Variants in FSTL5 observed in about 807,000 individuals in gnomAD.
The protein encoded by FSTL5 is follistatin like 5.
A neutral mutation model predicts 89.1 loss-of-function variants in FSTL5; 62 were observed. The observed-to-expected ratio is 0.70, with a 90% confidence interval of 0.57 to 0.86. The LOEUF (loss-of-function observed/expected upper bound fraction) is 0.86. Ranked by LOEUF, FSTL5 falls within the 40% of genes least tolerant of loss-of-function variation. FSTL5 has a pLI of 0.00. For missense variants in FSTL5, 1,057 were observed against 1,001.6 expected (o/e 1.06, Z -0.75); for synonymous variants, 383 against 346.2 (o/e 1.11, Z -1.18).
intron 3 of FSTL5, among the ~76,000 whole-genome samples, chr4:162,017,272 G>A (rs1736941254): frequency 6.6e-6 from 1 of 152,126 alleles, no homozygotes; most frequent in South Asian, 2.1e-4. Context: ...CTCAGAATAA[G>A]CAGAGAAAAG....
chr4:161,431,787 A>G (rs184086107), intron 15 of FSTL5, among the ~76,000 whole-genome samples: 61 of 152,254 alleles, frequency 4.0e-4, no homozygotes, highest in African/African-American at 1.4e-3. Flanking sequence ...TTTTCTGCCA[A>G]TGGAAACCAA....
At chr4:162,037,052 T>C (rs747945845) in intron 2 of FSTL5, among the ~76,000 whole-genome samples, 2 of 151,970 alleles carry the variant, frequency 1.3e-5, no homozygotes, top group Non-Finnish European at 2.9e-5. Flanking sequence ...AGTTTTGTAA[T>C]ATTACATTAT....
At chr4:161,652,589 A>G (rs893092182) in intron 7 of FSTL5, among the ~76,000 whole-genome samples, 1 of 152,176 alleles carries the variant, frequency 6.6e-6, no homozygotes, top group Non-Finnish European at 1.5e-5. Context: ...TATATATGCA[A>G]TGCATGAAAA....
chr4:162,151,319 A>C (rs1346949714), intron 1 of FSTL5, among the ~76,000 whole-genome samples: 1 of 152,194 alleles, frequency 6.6e-6, no homozygotes, highest in Non-Finnish European at 1.5e-5. Flanking sequence ...CAAATATGTA[A>C]GGTATATAAA....
At position 161,929,681 on chromosome 4, in the gene FSTL5, G is replaced by GTGTGTGTGTGTA. The variant is rs1026007316; in HGVS notation, c.161-9030_161-9029insTACACACACACA. ...GGCACGTGTGTGTGTGTGTGTGTGT[G>GTGTGTGTGTGTA]TGTGTGTGTGTGTGTGTGTGTACAT... On this transcript the variant is annotated intron_variant, in intron 3 of 15. Transcript: ENST00000306100. 6.9e-5 allele frequency among the ~76,000 whole-genome samples: 8 copies of GTGTGTGTGTGTA among 115,526 alleles called. No homozygotes were observed. In the East Asian group the frequency reaches 1.3e-3, roughly 19 times the overall value. The allele number at this position is 115,526 out of a possible 152,430, so 75.8% of individuals were successfully genotyped here.
chr4:161,485,320 A>G (rs908181084), intron 12 of FSTL5, among the ~76,000 whole-genome samples: 1 of 152,178 alleles, frequency 6.6e-6, no homozygotes, highest in Admixed American at 6.5e-5. Flanking sequence ...CAAGGCTCAG[A>G]CTTTAGTTTT....
chr4:161,787,608 T>A (rs1406735855), intron 4 of FSTL5, among the ~76,000 whole-genome samples: 1 of 152,144 alleles, frequency 6.6e-6, no homozygotes, highest in Non-Finnish European at 1.5e-5. Context: ...GATGGAAAAA[T>A]ATGATGAAAA....
intron 8 of FSTL5, among the ~76,000 whole-genome samples, chr4:161,559,056 A>G (rs67176724): frequency 0.3 from 44,981 of 151,756 alleles, 7,128 homozygotes; most frequent in Non-Finnish European, 0.35. Flanking sequence ...AATTGAAAGT[A>G]TTATGTTGCA....
chr4:161,984,730 A>G (rs1735915477), intron 3 of FSTL5, among the ~76,000 whole-genome samples: 15 of 152,124 alleles, frequency 9.9e-5, no homozygotes, highest in Admixed American at 9.2e-4. Flanking sequence ...GTTAACAATA[A>G]TCAATGTGTG....
At chr4:161,846,944 T>C (rs1016509336) in intron 4 of FSTL5, among the ~76,000 whole-genome samples, 2 of 152,194 alleles carry the variant, frequency 1.3e-5, no homozygotes, top group Non-Finnish European at 2.9e-5. Context: ...TCAAAACATA[T>C]ATTTAACCCT....
At chr4:161,415,311 A>C (rs545699099) in intron 15 of FSTL5, among the ~76,000 whole-genome samples, 2 of 152,016 alleles carry the variant, frequency 1.3e-5, no homozygotes, top group African/African-American at 4.8e-5. Flanking sequence ...GCTGGAGTGC[A>C]ATGATGCAAT....
intron 6 of FSTL5, among the ~76,000 whole-genome samples, chr4:161,733,654 A>T (rs572184528): frequency 6.6e-6 from 1 of 152,156 alleles, no homozygotes; most frequent in East Asian, 1.9e-4. Flanking sequence ...GTCTTCTAAC[A>T]AGTTAAGAAG....
At chr4:162,034,633 C>T (rs1222760047) in intron 2 of FSTL5, among the ~76,000 whole-genome samples, 1 of 152,038 alleles carries the variant, frequency 6.6e-6, no homozygotes, top group African/African-American at 2.4e-5. Context: ...TTTACTCCGT[C>T]TAAAAGTTTC....
At chr4:161,727,706 C>A (rs1430728994) in intron 6 of FSTL5, among the ~76,000 whole-genome samples, 1 of 152,132 alleles carries the variant, frequency 6.6e-6, no homozygotes, top group Non-Finnish European at 1.5e-5. Flanking sequence ...TGTACAATTA[C>A]ACCCCTACCA....
At chr4:161,976,261 T>A (rs1735643430) in intron 3 of FSTL5, among the ~76,000 whole-genome samples, 1 of 152,152 alleles carries the variant, frequency 6.6e-6, no homozygotes, top group Non-Finnish European at 1.5e-5. Flanking sequence ...TTAGTGCTAC[T>A]ACATCTGACT....
chr4:161,623,320 A>G (rs987578400), intron 7 of FSTL5, among the ~76,000 whole-genome samples: 1 of 152,032 alleles, frequency 6.6e-6, no homozygotes, highest in Non-Finnish European at 1.5e-5. Context: ...CAGGCAGGAA[A>G]CAACCATATT....
At chr4:161,442,732 A>C in intron 15 of FSTL5, among the ~76,000 whole-genome samples, 1 of 152,112 alleles carries the variant, frequency 6.6e-6, no homozygotes, top group East Asian at 1.9e-4. Flanking sequence ...AAAGGAAAAT[A>C]GCGTTTGTTA....
At position 161,530,027 on chromosome 4, in the gene FSTL5, G is replaced by A. The variant is rs1453882831; in HGVS notation, c.1312+8139C>T. 8.4e-5 allele frequency among the ~76,000 whole-genome samples: 12 copies of A among 142,646 alleles called. 1 individual carries two copies. The highest frequency in any genetic ancestry group is 2.8e-4 in the African/African-American group (11 of 39,808). 93.6% of individuals were successfully genotyped at this position (142,646 alleles called of 152,430 possible). ...TAGAGATTAATAAGATCCTACATAA[G>A]TGATCTCATTAAATCTATGCAACCT... On this transcript the variant is annotated intron_variant, in intron 10 of 15. Transcript: ENST00000306100.
At chr4:161,760,714 T>A (rs1050938067) in intron 5 of FSTL5, among the ~76,000 whole-genome samples, 1 of 152,214 alleles carries the variant, frequency 6.6e-6, no homozygotes, top group Non-Finnish European at 1.5e-5. Context: ...CATCAGCTCG[T>A]GCATGTTATG....
Sources: allele counts gnomAD v4.1 joint callset (sites outside exome capture counted in the v4.1 genomes callset), GRCh38; gene constraint gnomAD v4.1.1; transcripts MANE v1.5; gene names NCBI Gene and HGNC (gene_info 2026-07-23, HGNC 2026-07-21).